CD22: variants seen among roughly 807,000 people sequenced by gnomAD.
CD22 encodes B-cell receptor CD22.
CD22 carries 51 observed loss-of-function variants against 94.7 expected under a neutral mutation model. The observed-to-expected ratio is 0.54, with a 90% confidence interval of 0.43 to 0.68. CD22 has a LOEUF of 0.68. CD22 is among the 30% of genes least tolerant of loss of function. CD22 has a pLI of 0.00. For missense variants in CD22, 931 were observed against 1,060.4 expected (o/e 0.88, Z 1.69); for synonymous variants, 424 against 422.5 (o/e 1.00, Z -0.04).
chr19:35,337,834 G>C lies in CD22; in HGVS notation c.798G>C (p.Glu266Asp). 1 of 1,613,880 alleles carries C rather than the reference G, an allele frequency of 6.2e-7. No homozygotes were observed. Among genetic ancestry groups the C allele is most frequent in the Non-Finnish European group, 8.5e-7 (1 of 1,179,828 alleles). ...REGDSVTMTC[E>D]VSSSNPEYTT... The stretch of plus-strand genomic sequence containing the variant: ...GGGACTCTGTGACCATGACCTGCGA[G>C]GTCAGCAGCAGCAACCCGGAGTACA... Residue 266 changes from glutamate to aspartate, a missense_variant, in exon 5 of 14, where the codon GAG becomes GAC. Physicochemically the swap from Glu to Asp is conservative, Grantham distance 45 (BLOSUM62 2). Transcript: ENST00000085219. This position sits in a 1 kb window ranked among gnomAD's most constrained non-coding sequence, Gnocchi z 4.4.
chr19:35,338,292 G>A lies in CD22; in HGVS notation c.1110G>A (p.Gly370=), dbSNP rs766312925. The part of the protein sequence containing the change: ...LPTNYTWYHN[G]KEMQGRTEEK... ...CAAATTACACGTGGTACCACAATGGGAAAGAAATGCAGGGAAGGACAGAGG... is the reference window on the plus strand; with the variant it reads ...CAAATTACACGTGGTACCACAATGGAAAAGAAATGCAGGGAAGGACAGAGG... Residue 370 remains glycine (G), a synonymous_variant, in exon 6 of 14, where the codon GGG becomes GGA. Transcript: ENST00000085219. The A allele has an allele frequency of 1.2e-6, 2 of 1,614,266 alleles. No individual in the cohort carries two copies. The highest frequency in any genetic ancestry group is 1.7e-6 in the Non-Finnish European group (2 of 1,180,052).
chr19:35,342,035 TTCCTTCCTTCCTTCC>T, intron 9 of CD22, 70 bp downstream of exon 9: 1 of 1,088,652 alleles, frequency 9.2e-7, no homozygotes, highest in Admixed American at 2.4e-5. Context: ...CCTTCCTTCC[TTCCTTCCTTCCTTCC>T]TTCCTTTCTT....
chr19:35,340,863 T>C lies in CD22; in HGVS notation c.1250-18T>C, dbSNP rs753214013. ...GACAGCTGGCTTTTCTTTACTCACC[T>C]CTCTGGTTTTCTTCCAGATCCTCCC... On this transcript the variant is annotated intron_variant, in intron 6 of 13. Transcript: ENST00000085219. 1 of 1,613,940 alleles carries C rather than the reference T, an allele frequency of 6.2e-7. No homozygotes were observed. The highest frequency in any genetic ancestry group is 1.1e-5 in the South Asian group (1 of 91,028).
intron 13 of CD22, 67 bp from the exon 14 acceptor site, chr19:35,346,499 G>T: frequency 6.4e-7 from 1 of 1,554,920 alleles, no homozygotes; most frequent in Non-Finnish European, 8.7e-7. Context: ...AGGAGAGAAT[G>T]CGGAGAAAAG....
At chr19:35,335,130 G>C (rs1292305382) in intron 3 of CD22, among the ~76,000 whole-genome samples, 1 of 149,730 alleles carries the variant, frequency 6.7e-6, no homozygotes, top group East Asian at 2.0e-4. Context: ...ATAGAACTTT[G>C]CAATCATTCA....
Position 35,332,195 on chromosome 19 carries a change from A to T in CD22, c.34+121A>T, listed in dbSNP as rs1226098782. On this transcript the variant is annotated intron_variant, in intron 2 of 13. Transcript: ENST00000085219. Reference sequence around the variant, plus strand: ...GTAGGGTGGGGGCAGCGGTGTGTATAGATAAATGTACATACAAATATATAT... The same window carrying T: ...GTAGGGTGGGGGCAGCGGTGTGTATTGATAAATGTACATACAAATATATAT... The T allele has an allele frequency of 2.2e-5, 23 of 1,032,902 alleles. 1 individual carries two copies. The Admixed American group carries it at 4.5e-4, about 20-fold the overall frequency. The allele number at this position is 1,032,902 out of a possible 1,614,324, so 64.0% of individuals were successfully genotyped here.
rs71167534 is a variant in CD22, at chr19:35,342,007, GTCCTTCCTTCCTTCCTTCCTTCCTTCCT to G, written c.2035+64_2035+91del. Reference sequence around the variant, plus strand: ...CTCTTGTTCTTCTTGGTGGTGGTCAGTCCTTCCTTCCTTCCTTCCTTCCTTCCTTCCTTCCTTCCTTCCTTCCTTTCTT... The same window carrying G: ...CTCTTGTTCTTCTTGGTGGTGGTCAGTCCTTCCTTCCTTCCTTCCTTTCTT... On this transcript the variant is annotated intron_variant, in intron 9 of 13. Coordinates refer to ENST00000085219, the MANE Select transcript of CD22 (RefSeq NM_001771.4). 461 of 1,028,952 alleles carry G rather than the reference GTCCTTCCTTCCTTCCTTCCTTCCTTCCT, an allele frequency of 4.5e-4. 3 individuals carry two copies. The African/African-American group carries it at 6.5e-3, about 14-fold the overall frequency. The allele number at this position is 1,028,952 out of a possible 1,614,324, so 63.7% of individuals were successfully genotyped here. A position where few individuals can be genotyped will look rare whatever the true frequency, so the allele number is the denominator to read the frequency against.
Position 35,346,896 on chromosome 19 carries a change from A to C in CD22, c.*199A>C, listed in dbSNP as rs2066917670. The C allele has an allele frequency of 3.6e-6, 2 of 559,760 alleles. No individual in the cohort carries two copies. Among genetic ancestry groups the C allele is most frequent in the African/African-American group, 1.9e-5 (1 of 51,820 alleles). 34.7% of individuals were successfully genotyped at this position (559,760 alleles called of 1,614,324 possible). A position where few individuals can be genotyped will look rare whatever the true frequency, so the allele number is the denominator to read the frequency against. On this transcript the variant is annotated 3_prime_UTR_variant, in exon 14 of 14. Coordinates refer to ENST00000085219, the MANE Select transcript of CD22 (RefSeq NM_001771.4). ...CAGTCTTTTTGGTGAGGGTAACCCC[A>C]AACCTCCAAAACTCCTGCCCCTGTT... is the stretch of plus-strand genomic sequence containing the variant.
rs2066613100 is a variant in CD22, at chr19:35,329,213, G to A, written c.-40G>A. 2 of 1,289,674 alleles carry A rather than the reference G, an allele frequency of 1.6e-6. No homozygotes were observed. Among genetic ancestry groups the A allele is most frequent in the Non-Finnish European group, 2.0e-6 (2 of 988,746 alleles). The allele number at this position is 1,289,674 out of a possible 1,614,324, so 79.9% of individuals were successfully genotyped here. A position where few individuals can be genotyped will look rare whatever the true frequency, so the allele number is the denominator to read the frequency against. On this transcript the variant is annotated 5_prime_UTR_variant, in exon 1 of 14. Coordinates refer to ENST00000085219, the MANE Select transcript of CD22 (RefSeq NM_001771.4). ...GATGCTGCCAGGGTCCCTGAAGAGG[G>A]AAGACACGCGGAAACAGGTAAAAAT... is the stretch of plus-strand genomic sequence containing the variant.
In CD22 at chr19:35,346,888, G is replaced by T; in HGVS notation, c.*191G>T. 3.3e-6 allele frequency: 2 copies of T among 603,522 alleles called. No homozygotes were observed. The highest frequency in any genetic ancestry group is 5.6e-6 in the Non-Finnish European group (2 of 358,834). 37.4% of individuals were successfully genotyped at this position (603,522 alleles called of 1,614,324 possible). On this transcript the variant is annotated 3_prime_UTR_variant, in exon 14 of 14. Coordinates refer to ENST00000085219, the MANE Select transcript of CD22 (RefSeq NM_001771.4). ...CTCAGAGCCAGTCTTTTTGGTGAGG[G>T]TAACCCCAAACCTCCAAAACTCCTG...
rs61349223 is a variant in CD22 at position 35,345,420 on chromosome 19, CAAAAAAAAAAAA to C, written c.2209-168_2209-157del. On this transcript the variant is annotated intron_variant, in intron 11 of 13. Coordinates refer to ENST00000085219, the MANE Select transcript of CD22 (RefSeq NM_001771.4). ...TGGGTGACATACTGAGACTCTGCCT[CAAAAAAAAAAAA>C]AAAAAAAAAAAAAGGGTAGGCATGA... 4.4e-3 allele frequency: 691 copies of C among 156,862 alleles called. 3 individuals are homozygous for C. Among genetic ancestry groups the C allele is most frequent in the Non-Finnish European group, 6.5e-3 (608 of 93,088 alleles). The allele number at this position is 156,862 out of a possible 1,614,324, so 9.7% of individuals were successfully genotyped here.
chr19:35,338,745 T>G (rs139117390), intron 6 of CD22, among the ~76,000 whole-genome samples: 3,711 of 152,134 alleles, frequency 0.024, 133 homozygotes, highest in African/African-American at 0.085. Flanking sequence ...TTCTCCTGTC[T>G]CAGCCTCCTG....
At chr19:35,330,599 A>G (rs1306228247) in intron 1 of CD22, 1 of 152,226 alleles carries the variant, frequency 6.6e-6, no homozygotes, top group Non-Finnish European at 1.5e-5. Context: ...GGCATGAGCC[A>G]TGTGGCCCGA....
chr19:35,341,585 G>C lies in CD22; in HGVS notation c.1750G>C (p.Ala584Pro). ...NNSIGQTASK[A>P]WTLEVLYAPR... ...CTCCATAGGACAGACAGCGTCCAAG[G>C]CCTGGACACTTGAAGTGCTGTGTGA... The change falls in exon 8 of 14, where the codon GCC (alanine) becomes CCC (proline). Residue 584 changes from alanine (A) to proline (P), a missense_variant. Physicochemically the swap from Ala to Pro is conservative, Grantham distance 27. Coordinates refer to ENST00000085219, the MANE Select transcript of CD22 (RefSeq NM_001771.4). This position sits in a 1 kb window ranked among gnomAD's most constrained non-coding sequence, Gnocchi z 4.0. 6.2e-7 allele frequency: 1 copy of C among 1,612,414 alleles called. No individual in the cohort carries two copies. Among genetic ancestry groups the C allele is most frequent in the Non-Finnish European group, 8.5e-7 (1 of 1,178,626 alleles).
chr19:35,346,093 G>A, intron 12 of CD22, 58 bp from the exon 13 acceptor site: 2 of 1,325,030 alleles, frequency 1.5e-6, no homozygotes, highest in Non-Finnish European at 2.2e-6. Flanking sequence ...GTGTTGAGAG[G>A]GAGGAGAGTT....
At chr19:35,345,867 G>A (rs10406539) in intron 12 of CD22, 147 bp downstream of exon 12, 109,427 of 685,932 alleles carry the variant, frequency 0.16, 10,246 homozygotes, top group South Asian at 0.32. Flanking sequence ...CAAGCCTCTG[G>A]GTAAGGGCCA....
chr19:35,342,086 TCTTCC>T (rs1568490274), intron 9 of CD22, 121 bp downstream of exon 9: 6 of 900,626 alleles, frequency 6.7e-6, no homozygotes, highest in Non-Finnish European at 8.3e-6. Context: ...CTCCTCCTCT[TCTTCC>T]CCTCCTCCTC....
intron 6 of CD22, 98 bp from the exon 7 acceptor site, chr19:35,340,783 A>G (rs2066796488): frequency 1.5e-6 from 2 of 1,336,134 alleles, no homozygotes; most frequent in African/African-American, 2.9e-5. Context: ...GGACCTGTGC[A>G]GATGCCCGGG....
At chr19:35,345,030 A>G (rs747428441) in intron 10 of CD22, 21 bp from the exon 11 acceptor site, 2 of 1,612,448 alleles carry the variant, frequency 1.2e-6, no homozygotes, top group Non-Finnish European at 1.7e-6. Context: ...TGACCCTCAC[A>G]CATGTGCCTT....
Sources: allele counts gnomAD v4.1 joint callset (sites outside exome capture counted in the v4.1 genomes callset), GRCh38; gene constraint gnomAD v4.1.1; non-coding constraint Gnocchi (gnomAD v3.1); transcripts MANE v1.5; gene names NCBI Gene and HGNC (gene_info 2026-07-23, HGNC 2026-07-21).